The following GPR78 variants were observed in gnomAD, a reference collection of about 807,000 sequenced individuals.
The protein encoded by GPR78 is G protein-coupled receptor 78.
A neutral mutation model predicts 17.9 loss-of-function variants in GPR78; 29 were observed. The observed-to-expected ratio is 1.62, with a 90% CI of 1.20 to 2.21. GPR78 has a LOEUF of 2.21. GPR78 is among the 30% of genes most tolerant of loss of function. The pLI, the probability that GPR78 is intolerant of heterozygous loss-of-function variation, is 0.00. For synonymous variants in GPR78, 349 were observed against 256.9 expected, an observed-to-expected ratio of 1.36 and a Z score of -3.43; for missense variants, 649 against 530.5, an observed-to-expected ratio of 1.22 and a Z score of -2.19.
At chr4:8,584,446 A>G (rs1210574785) in intron 2 of GPR78, among the ~76,000 whole-genome samples, 2 of 152,360 alleles carry the variant, frequency 1.3e-5, no homozygotes, top group South Asian at 2.1e-4. Flanking sequence ...ATGTGGGTAC[A>G]ATATAGCACT....
chr4:8,582,049 A>G (rs1386548136), intron 1 of GPR78, among the ~76,000 whole-genome samples: 4 of 152,138 alleles, frequency 2.6e-5, no homozygotes. Flanking sequence ...AGCAGGGTCC[A>G]TCCCCCATGC....
In GPR78 at chr4:8,587,310, C is replaced by T; in HGVS notation, c.1039C>T (p.His347Tyr). The T allele has an allele frequency of 6.2e-7, 1 of 1,613,102 alleles. No homozygotes were observed. Among genetic ancestry groups the T allele is most frequent in the Non-Finnish European group, 8.5e-7 (1 of 1,179,948 alleles). ...GAGAACCCCGCGCCCAGCGTCCACC[C>T]ACAACGGCTCTGTGGACACAGAGAA... ...LKRTPRPAST[H>Y]NGSVDTENDS... is the part of the protein sequence containing the mutation. Residue 347 changes from histidine (H) to tyrosine (Y), a missense_variant, in exon 3 of 3, where the codon CAC becomes TAC. Physicochemically the swap from His to Tyr is moderately conservative, Grantham distance 83 (BLOSUM62 2). Coordinates refer to ENST00000382487, the MANE Select transcript of GPR78 (RefSeq NM_080819.5).
chr4:8,586,007 G>A (rs528556380), intron 2 of GPR78, among the ~76,000 whole-genome samples: 9 of 152,320 alleles, frequency 5.9e-5, no homozygotes, highest in Admixed American at 2.0e-4. Flanking sequence ...TCAGGCTGTG[G>A]GGGAAAGCCC....
intron 1 of GPR78, among the ~76,000 whole-genome samples, 161 bp from the exon 2 acceptor site, chr4:8,582,370 C>T (rs1252034688): frequency 1.3e-5 from 2 of 152,146 alleles, no homozygotes; most frequent in South Asian, 2.1e-4. Flanking sequence ...AAGCCTACCC[C>T]TTGTTCTTTC....
rs17844776 is a variant in GPR78 at position 8,581,015 on chromosome 4, C to T, written c.33C>T (p.Leu11=). Residue 11 remains leucine, a synonymous_variant, in exon 1 of 3, where the codon CTC becomes CTT. Transcript: ENST00000382487. MGPGEALLAG[L]LVMVLAVALL... ...CCGGCGAGGCGCTGCTGGCGGGTCT[C>T]CTGGTGATGGTACTGGCCGTGGCGC... 0.31 allele frequency: 485,817 copies of T among 1,589,066 alleles called. 81,212 individuals are homozygous for T. Among genetic ancestry groups the T allele is most frequent in the Non-Finnish European group, 0.35 (406,748 of 1,168,090 alleles).
chr4:8,580,649 C>T lies in GPR78; in HGVS notation c.-334C>T. On this transcript the variant is annotated 5_prime_UTR_variant, in exon 1 of 3. Transcript: ENST00000382487. ...TGTTAGGAAAGAGACCTCCCTCGCCCCTACGCCCCGCGCCCCTGCGCCTCG... is the reference window on the plus strand; with the variant it reads ...TGTTAGGAAAGAGACCTCCCTCGCCTCTACGCCCCGCGCCCCTGCGCCTCG... 2 of 419,364 alleles carry T rather than the reference C, an allele frequency of 4.8e-6. No homozygotes were observed. Among genetic ancestry groups the T allele is most frequent in the Non-Finnish European group, 4.2e-6 (1 of 237,596 alleles). The allele number at this position is 419,364 out of a possible 1,614,324, so 26.0% of individuals were successfully genotyped here. A position where few individuals can be genotyped will look rare whatever the true frequency, so the allele number is the denominator to read the frequency against.
chr4:8,580,993 G>T lies in GPR78; in HGVS notation c.11G>T (p.Gly4Val). Residue 4 changes from glycine (G) to valine (V), a missense_variant, in exon 1 of 3, where the codon GGC becomes GTC. By Grantham distance (109) the Gly-to-Val change is moderately radical (BLOSUM62 -3). Transcript: ENST00000382487. MGPGEALLAGLLVM... is the reference protein window; with the variant it reads MGPVEALLAGLLVM... The stretch of plus-strand genomic sequence containing the variant: ...CGAGCCGCTAGCGCCATGGGCCCCG[G>T]CGAGGCGCTGCTGGCGGGTCTCCTG... The T allele has an allele frequency of 1.3e-6, 2 of 1,585,954 alleles. No homozygotes were observed. Among genetic ancestry groups the T allele is most frequent in the Non-Finnish European group, 1.7e-6 (2 of 1,167,550 alleles).
Position 8,580,833 on chromosome 4 carries a change from C to T in GPR78, c.-150C>T. The T allele has an allele frequency of 7.7e-6, 6 of 778,276 alleles. No individual in the cohort carries two copies. The highest frequency in any genetic ancestry group is 1.2e-5 in the Non-Finnish European group (6 of 507,706). The allele number at this position is 778,276 out of a possible 1,614,324, so 48.2% of individuals were successfully genotyped here. A position where few individuals can be genotyped will look rare whatever the true frequency, so the allele number is the denominator to read the frequency against. On this transcript the variant is annotated 5_prime_UTR_variant, in exon 1 of 3. Transcript: ENST00000382487. ...CGGACCCTGCACTTGCCGCCGCTTT[C>T]CTCGCGCTGCTCTGGACCTTGCTAG...
At chr4:8,583,152 G>A (rs4235272) in intron 2 of GPR78, 67,704 of 157,642 alleles carry the variant, frequency 0.43, 15,363 homozygotes, top group Admixed American at 0.53. Context: ...AAGAGTGTGT[G>A]TAAAGGGCCT....
chr4:8,584,543 C>G (rs1335269778), intron 2 of GPR78, among the ~76,000 whole-genome samples: 2 of 152,192 alleles, frequency 1.3e-5, no homozygotes, highest in East Asian at 3.9e-4. Context: ...CATGCAGTTA[C>G]AAAAGCAAAT....
rs574316204 is a variant in GPR78, at chr4:8,589,441, CA to C, written c.*2079del. Among the ~76,000 whole-genome samples the C allele has an allele frequency of 2.2e-3, 331 of 152,234 alleles. 3 individuals carry two copies. The highest frequency in any genetic ancestry group is 9.7e-4 in the East Asian group (5 of 5,164). The stretch of plus-strand genomic sequence containing the variant: ...CAGGTGGGTGTCATGCCCTGGTTCA[CA>C]GAGGGCACGTGAACTCGAGACCGTG... On this transcript the variant is annotated 3_prime_UTR_variant, in exon 3 of 3. Coordinates refer to ENST00000382487, the MANE Select transcript of GPR78 (RefSeq NM_080819.5).
At position 8,589,314 on chromosome 4, in the gene GPR78, G is replaced by T. The variant is rs1194322124; in HGVS notation, c.*1951G>T. 6.6e-6 allele frequency among the ~76,000 whole-genome samples: 1 copy of T among 152,154 alleles called. No homozygotes were observed. The highest frequency in any genetic ancestry group is 1.5e-5 in the Non-Finnish European group (1 of 68,034). ...ACTATAGGTATGTGGTCAGGAAGCA[G>T]TTAAAAACATTAAAATACAGACCTG... On this transcript the variant is annotated 3_prime_UTR_variant, in exon 3 of 3. Transcript: ENST00000382487.
rs1276254681 is a variant in GPR78 at position 8,580,837 on chromosome 4, G to A, written c.-146G>A. On this transcript the variant is annotated 5_prime_UTR_variant, in exon 1 of 3. Coordinates refer to ENST00000382487, the MANE Select transcript of GPR78 (RefSeq NM_080819.5). ...CCCTGCACTTGCCGCCGCTTTCCTCGCGCTGCTCTGGACCTTGCTAGCCGG... is the reference window on the plus strand; with the variant it reads ...CCCTGCACTTGCCGCCGCTTTCCTCACGCTGCTCTGGACCTTGCTAGCCGG... 4 of 786,884 alleles carry A rather than the reference G, an allele frequency of 5.1e-6. No homozygotes were observed. Among genetic ancestry groups the A allele is most frequent in the African/African-American group, 3.6e-5 (2 of 56,134 alleles). 48.7% of individuals were successfully genotyped at this position (786,884 alleles called of 1,614,324 possible). A position where few individuals can be genotyped will look rare whatever the true frequency, so the allele number is the denominator to read the frequency against.
At chr4:8,585,118 G>A (rs1409537986) in intron 2 of GPR78, among the ~76,000 whole-genome samples, 8 of 152,168 alleles carry the variant, frequency 5.3e-5, no homozygotes, top group Non-Finnish European at 1.0e-4. Context: ...TGGGGTGTGC[G>A]GCAGTGAGAC....
In GPR78 at chr4:8,580,437, G is replaced by C. The variant is rs1275654514; in HGVS notation, c.-546G>C. The C allele has an allele frequency of 6.5e-6, 1 of 152,926 alleles. No individual in the cohort carries two copies. The highest frequency in any genetic ancestry group is 1.5e-5 in the Non-Finnish European group (1 of 68,648). 9.5% of individuals were successfully genotyped at this position (152,926 alleles called of 1,614,324 possible). A position where few individuals can be genotyped will look rare whatever the true frequency, so the allele number is the denominator to read the frequency against. On this transcript the variant is annotated 5_prime_UTR_variant, in exon 1 of 3. Coordinates refer to ENST00000382487, the MANE Select transcript of GPR78 (RefSeq NM_080819.5). ...TTTGGTGCCAGCGCCTGGAGGGAGA[G>C]GCGTGGCGAGGGCTGTGCTGCCTAG...
Position 8,581,047 on chromosome 4 carries a change from C to A in GPR78, c.65C>A (p.Ser22Tyr). ...ATGGTACTGGCCGTGGCGCTGCTAT[C>A]CAACGCACTGGTGCTGCTTTGTTGC... ...LVMVLAVALL[S>Y]NALVLLCCAY... The change falls in exon 1 of 3, where the codon TCC becomes TAC. Residue 22 changes from serine (S) to tyrosine (Y), a missense_variant. By Grantham distance (144) the Ser-to-Tyr change is moderately radical. Coordinates refer to ENST00000382487, the MANE Select transcript of GPR78 (RefSeq NM_080819.5). 1 of 1,605,150 alleles carries A rather than the reference C, an allele frequency of 6.2e-7. No homozygotes were observed.
Position 8,589,913 on chromosome 4 carries a change from T to C in GPR78, c.*2550T>C, listed in dbSNP as rs1050100870. On this transcript the variant is annotated 3_prime_UTR_variant, in exon 3 of 3. Coordinates refer to ENST00000382487, the MANE Select transcript of GPR78 (RefSeq NM_080819.5). ...TCCCTTGCCTTAGGCTTGTGGCCTT[T>C]TTTTTTTTTTTTTTTTTAATTTGAA... Among the ~76,000 whole-genome samples the C allele has an allele frequency of 1.3e-5, 1 of 75,020 alleles. No individual in the cohort carries two copies. Among genetic ancestry groups the C allele is most frequent in the African/African-American group, 5.9e-5 (1 of 17,036 alleles). 49.2% of individuals were successfully genotyped at this position (75,020 alleles called of 152,430 possible).
chr4:8,581,226 A>G lies in GPR78; in HGVS notation c.244A>G (p.Ile82Val). Residue 82 changes from isoleucine (I) to valine (V), a missense_variant, in exon 1 of 3, where the codon ATT becomes GTT. Transcript: ENST00000382487. ...TPSAPGACQV[I>V]GFLDTFLASN... ...GTCGGCGCCCGGCGCATGCCAAGTC[A>G]TTGGCTTCCTGGACACCTTCCTGGC... 6.3e-7 allele frequency: 1 copy of G among 1,597,586 alleles called. No individual in the cohort carries two copies. The highest frequency in any genetic ancestry group is 8.5e-7 in the Non-Finnish European group (1 of 1,176,860).
chr4:8,581,344 G>A lies in GPR78; in HGVS notation c.362G>A (p.Arg121His), dbSNP rs1713274856. The change falls in exon 1 of 3, where the codon CGC becomes CAC. Residue 121 changes from arginine to histidine, a missense_variant. Physicochemically the swap from Arg to His is conservative, Grantham distance 29. Transcript: ENST00000382487. ...PLRYAGRLRP[R>H]YAGLLLGCAW... is the part of the protein sequence containing the mutation. ...CGCTACGCCGGACGCCTGCGACCGC[G>A]CTATGCCGGCCTGCTGCTGGGCTGT... 5 of 1,577,568 alleles carry A rather than the reference G, an allele frequency of 3.2e-6. No homozygotes were observed. The highest frequency in any genetic ancestry group is 4.5e-5 in the East Asian group (2 of 44,248).
Sources: gnomAD v4.1 joint callset for allele counts (sites outside exome capture counted in the v4.1 genomes callset) on GRCh38, gnomAD v4.1.1 for gene constraint, MANE v1.5 for transcripts, NCBI Gene and HGNC (gene_info 2026-07-23, HGNC 2026-07-21) for gene names.